Variants in SH3PXD2A observed in about 807,000 individuals in gnomAD.
The protein encoded by SH3PXD2A is SH3 and PX domains 2A.
Under a neutral mutation model 115.2 loss-of-function variants are expected in SH3PXD2A, and 32 were observed. That is an observed-to-expected ratio of 0.28 (90% CI 0.21 to 0.37). SH3PXD2A has a LOEUF of 0.37. Among genes scored for constraint, SH3PXD2A ranks in the 10% least tolerant of loss-of-function variants. The pLI is 1.00. For missense variants in SH3PXD2A, 1,328 were observed against 1,498.7 expected (o/e 0.89, Z 1.88); for synonymous variants, 610 against 629.1 (o/e 0.97, Z 0.45).
intron 1 of SH3PXD2A, among the ~76,000 whole-genome samples, chr10:103,808,831 C>T (rs767464712): frequency 1.3e-4 from 20 of 152,274 alleles, no homozygotes; most frequent in Non-Finnish European, 1.9e-4. Context: ...TCTTCTCCCC[C>T]GAGGCTCACT....
chr10:103,755,936 G>C (rs2038635639), intron 3 of SH3PXD2A, among the ~76,000 whole-genome samples: 1 of 152,168 alleles, frequency 6.6e-6, no homozygotes, highest in South Asian at 2.1e-4. Flanking sequence ...AGGCCACCCT[G>C]TCCCTGACAG....
In SH3PXD2A at chr10:103,627,211, A is replaced by C; in HGVS notation, c.605-9T>G. On this transcript the variant is annotated splice_polypyrimidine_tract_variant and intron_variant, in intron 8 of 14. Transcript: ENST00000369774. The surrounding 1 kb of genome is among the most constrained non-coding windows in gnomAD (Gnocchi z 4.4). The stretch of plus-strand genomic sequence containing the variant: ...GCTCACGAACCACCAGCCTGCAGGG[A>C]GGACAAGAGAGAACAGGACTGTGAG... 1 of 1,537,044 alleles carries C rather than the reference A, an allele frequency of 6.5e-7. No homozygotes were observed. The highest frequency in any genetic ancestry group is 9.0e-7 in the Non-Finnish European group (1 of 1,110,190).
chr10:103,684,582 C>T (rs2037652043), intron 6 of SH3PXD2A, among the ~76,000 whole-genome samples: 1 of 151,954 alleles, frequency 6.6e-6, no homozygotes, highest in African/African-American at 2.4e-5. Flanking sequence ...AACTCCTGAT[C>T]TCAGGAGATC....
At chr10:103,792,111 G>A (rs973324057) in intron 2 of SH3PXD2A, among the ~76,000 whole-genome samples, 2 of 152,198 alleles carry the variant, frequency 1.3e-5, no homozygotes, top group Non-Finnish European at 2.9e-5. Context: ...CCCAAGAGCC[G>A]ATGGAAGCCC....
intron 7 of SH3PXD2A, 28 bp from the exon 8 acceptor site, chr10:103,661,142 G>A: frequency 6.2e-7 from 1 of 1,607,458 alleles, no homozygotes; most frequent in Admixed American, 1.7e-5. Flanking sequence ...CACGCGGTGA[G>A]CCAGCGGCCA....
chr10:103,668,544 G>C (rs1237047916), intron 7 of SH3PXD2A, 64 bp downstream of exon 7: 1 of 1,394,590 alleles, frequency 7.2e-7, no homozygotes, highest in Non-Finnish European at 9.9e-7. Flanking sequence ...TGCAGGCACC[G>C]GCTCCCGCGC....
intron 8 of SH3PXD2A, among the ~76,000 whole-genome samples, chr10:103,638,724 C>G (rs1387503021): frequency 6.6e-6 from 1 of 152,224 alleles, no homozygotes; most frequent in African/African-American, 2.4e-5. Flanking sequence ...CAGAATAGTG[C>G]CTGATTGGAA....
intron 9 of SH3PXD2A, among the ~76,000 whole-genome samples, chr10:103,626,044 G>GC: frequency 6.6e-6 from 1 of 152,364 alleles, no homozygotes; most frequent in East Asian, 1.9e-4. Flanking sequence ...CAGCCCCAGG[G>GC]CTCAGGGAGC....
At chr10:103,693,007 A>T (rs1217230212) in intron 6 of SH3PXD2A, 21 bp downstream of exon 6, 3 of 1,607,904 alleles carry the variant, frequency 1.9e-6, no homozygotes, top group Non-Finnish European at 2.6e-6. Context: ...CTGAAGGGAA[A>T]ACGCCCGGAG....
intron 2 of SH3PXD2A, among the ~76,000 whole-genome samples, chr10:103,792,277 TG>T (rs1267392333): frequency 6.6e-6 from 1 of 152,278 alleles, no homozygotes; most frequent in Non-Finnish European, 1.5e-5. Context: ...AGTTAAACTT[TG>T]AAGGTGAAAA....
chr10:103,607,525 G>A (rs1451309875), intron 13 of SH3PXD2A, among the ~76,000 whole-genome samples: 5 of 150,902 alleles, frequency 3.3e-5, no homozygotes, highest in Non-Finnish European at 7.4e-5. Flanking sequence ...CCGGGAGGGA[G>A]GTGGGGGGGT....
intron 1 of SH3PXD2A, among the ~76,000 whole-genome samples, chr10:103,804,159 A>G (rs1400373062): frequency 6.6e-6 from 1 of 152,110 alleles, no homozygotes; most frequent in Non-Finnish European, 1.5e-5. Flanking sequence ...ATTGATATTG[A>G]TGCTGCAGGA....
At chr10:103,820,282 C>T (rs924754779) in intron 1 of SH3PXD2A, among the ~76,000 whole-genome samples, 3 of 152,216 alleles carry the variant, frequency 2.0e-5, no homozygotes, top group Non-Finnish European at 2.9e-5. Context: ...CCCTTCCTTC[C>T]GTGTGGCCAG....
rs369017802 is a variant in SH3PXD2A at position 103,620,717 on chromosome 10, AAGAG to A, written c.802+1749_802+1752del. ...ATTATGTTGTTTAGGTCTCTTATTT[AAGAG>A]AGAGAGAGAGAGAGAGCAAGAGCTG... On this transcript the variant is annotated intron_variant, in intron 10 of 14. Coordinates refer to ENST00000369774, the MANE Select transcript of SH3PXD2A (RefSeq NM_001394015.1). This position sits in a 1 kb window ranked among gnomAD's most constrained non-coding sequence, Gnocchi z 5.3. Among the ~76,000 whole-genome samples, 6 of 149,320 alleles carry A rather than the reference AAGAG, an allele frequency of 4.0e-5. No homozygotes were observed. Among genetic ancestry groups the A allele is most frequent in the African/African-American group, 7.3e-5 (3 of 40,898 alleles).
chr10:103,603,814 A>G, intron 14 of SH3PXD2A, 25 bp from the exon 15 acceptor site: 1 of 1,583,242 alleles, frequency 6.3e-7, no homozygotes, highest in Non-Finnish European at 8.6e-7. Context: ...CAGACAAGCC[A>G]GTGAGTTGGG....
At chr10:103,849,122 C>G (rs1470529811) in intron 1 of SH3PXD2A, among the ~76,000 whole-genome samples, 3 of 151,836 alleles carry the variant, frequency 2.0e-5, no homozygotes, top group Non-Finnish European at 4.4e-5. Context: ...CCAGGTGCAC[C>G]CCTCATCCCC....
intron 2 of SH3PXD2A, among the ~76,000 whole-genome samples, chr10:103,770,877 T>C (rs1027431267): frequency 1.3e-4 from 20 of 152,282 alleles, no homozygotes; most frequent in African/African-American, 4.6e-4. Context: ...CTTGTTCACA[T>C]GTCTACGCAC....
intron 2 of SH3PXD2A, among the ~76,000 whole-genome samples, chr10:103,794,166 G>T (rs2039064092): frequency 6.6e-6 from 1 of 152,192 alleles, no homozygotes; most frequent in South Asian, 2.1e-4. Context: ...TGGAAAGTGA[G>T]TGTGACCCCA....
At chr10:103,622,597 G>A (rs1428698361) in intron 9 of SH3PXD2A, 44 bp from the exon 10 acceptor site, 6 of 1,327,850 alleles carry the variant, frequency 4.5e-6, no homozygotes, top group Admixed American at 2.0e-5. Context: ...AACAGCAACC[G>A]GCGGAGAGAA....
Sources: gnomAD v4.1 joint callset for allele counts (sites outside exome capture counted in the v4.1 genomes callset) on GRCh38, gnomAD v4.1.1 for gene constraint, Gnocchi (gnomAD v3.1) non-coding constraint, MANE v1.5 for transcripts, NCBI Gene and HGNC (gene_info 2026-07-23, HGNC 2026-07-21) for gene names.